The following FAM184A variants were observed in gnomAD, a reference collection of about 807,000 sequenced individuals.
FAM184A encodes family with sequence similarity 184 member A, also known as protein FAM184A.
A neutral mutation model predicts 143.8 loss-of-function variants in FAM184A; 99 were observed. That is an observed-to-expected ratio of 0.69 (90% CI 0.58 to 0.81). The LOEUF (loss-of-function observed/expected upper bound fraction) is 0.81. Among genes scored for constraint, FAM184A ranks in the 40% least tolerant of loss-of-function variants. The pLI is 0.00. For missense variants in FAM184A, 1,217 were observed against 1,310.5 expected (o/e 0.93, Z 1.10); for synonymous variants, 427 against 446.4 (o/e 0.96, Z 0.55).
rs568325635 is a variant in FAM184A, at chr6:119,115,470, T to C, written c.-202+33608A>G. On this transcript the variant is annotated intron_variant, in intron 1 of 16. Coordinates refer to the FAM184A transcript ENST00000352896. ...ACTTTGGGAGGCCAAGGCAGGAGGATAGCTTGAGACCAGGAGCTCGAGACC... is the reference window on the plus strand; with the variant it reads ...ACTTTGGGAGGCCAAGGCAGGAGGACAGCTTGAGACCAGGAGCTCGAGACC... Among the ~76,000 whole-genome samples, 39 of 152,298 alleles carry C rather than the reference T, an allele frequency of 2.6e-4. 1 individual carries two copies. In the South Asian group the frequency reaches 7.3e-3, roughly 28 times the overall value.
chr6:119,044,105 G>A (rs780087223), intron 1 of FAM184A, among the ~76,000 whole-genome samples: 3 of 152,096 alleles, frequency 2.0e-5, no homozygotes, highest in Non-Finnish European at 4.4e-5. Flanking sequence ...ACAAGCCTTA[G>A]ACTGATTAAG....
chr6:119,051,991 T>C (rs573767527), intron 1 of FAM184A, among the ~76,000 whole-genome samples: 1 of 152,176 alleles, frequency 6.6e-6, no homozygotes, highest in Non-Finnish European at 1.5e-5. Flanking sequence ...GCAGTATCTA[T>C]GTATGAGACT....
At chr6:119,004,118 G>A (rs1024648534) in intron 7 of FAM184A, among the ~76,000 whole-genome samples, 8 of 152,188 alleles carry the variant, frequency 5.3e-5, no homozygotes, top group Admixed American at 2.0e-4. Flanking sequence ...CTAGTGGTCC[G>A]TGTGTTCATT....
intron 1 of FAM184A, among the ~76,000 whole-genome samples, chr6:119,070,453 C>G (rs1401429784): frequency 6.6e-6 from 1 of 152,036 alleles, no homozygotes; most frequent in African/African-American, 2.4e-5. Context: ...TGATTGGCAG[C>G]CAAAGAATAT....
intron 14 of FAM184A, 51 bp from the exon 15 acceptor site, chr6:118,967,003 C>A: frequency 1.2e-6 from 1 of 826,398 alleles, no homozygotes; most frequent in Non-Finnish European, 1.9e-6. Flanking sequence ...ATACATTCTT[C>A]TGTAATACCT....
intron 1 of FAM184A, among the ~76,000 whole-genome samples, chr6:119,061,543 T>C (rs1483209222): frequency 1.3e-4 from 17 of 132,940 alleles, no homozygotes; most frequent in African/African-American, 4.0e-4. Context: ...TTTTTTTTTT[T>C]TTTTTTTTTT....
At chr6:119,081,360 C>T (rs1477302325), upstream of FAM184A, among the ~76,000 whole-genome samples, 1 of 152,148 alleles carries the variant, frequency 6.6e-6, no homozygotes, top group Admixed American at 6.5e-5. Context: ...GAGTGTGACT[C>T]ACTTCTTTAG....
At chr6:118,979,276 A>C (rs753848804) in intron 11 of FAM184A, 89 bp downstream of exon 11, 59 of 1,319,180 alleles carry the variant, frequency 4.5e-5, no homozygotes, top group Non-Finnish European at 5.8e-5. Flanking sequence ...TCAAAATTTT[A>C]AAATAAAACT....
intron 1 of FAM184A, among the ~76,000 whole-genome samples, chr6:119,035,099 A>C (rs1480585658): frequency 1.3e-5 from 2 of 152,078 alleles, no homozygotes; most frequent in African/African-American, 4.8e-5. Context: ...TTTTTTTAAA[A>C]GGCTGTGAGA....
chr6:119,116,036 G>T (rs1366377602), intron 1 of FAM184A, among the ~76,000 whole-genome samples: 1 of 150,172 alleles, frequency 6.7e-6, no homozygotes, highest in Non-Finnish European at 1.5e-5. Flanking sequence ...GAGAGAGAGA[G>T]CAGGGACTAG....
At position 118,961,767 on chromosome 6, in the gene FAM184A, A is replaced by T. The variant is rs186112489; in HGVS notation, c.3335T>A (p.Phe1112Tyr). 3.1e-6 allele frequency: 5 copies of T among 1,613,474 alleles called. No individual in the cohort carries two copies. The East Asian group carries it at 1.1e-4, about 36-fold the overall frequency. The change falls in exon 17 of 18, where the codon TTT (phenylalanine) becomes TAT (tyrosine). Residue 1112 changes from phenylalanine (F) to tyrosine (Y), a missense_variant. Transcript: ENST00000338891. ...TTGGTGAGACGGGTCTCACCTCAAAAATGTCTTGGGCCCTTTAGGTGGCAC... is the reference window on the plus strand; with the variant it reads ...TTGGTGAGACGGGTCTCACCTCAAATATGTCTTGGGCCCTTTAGGTGGCAC... ...QPVPPKGPKT[F>Y]LSPAQSEASP... is the part of the protein sequence containing the mutation.
chr6:119,019,591 A>G (rs1470534945), intron 4 of FAM184A, among the ~76,000 whole-genome samples: 3 of 152,234 alleles, frequency 2.0e-5, no homozygotes, highest in Non-Finnish European at 1.5e-5. Flanking sequence ...ATACATTTTC[A>G]GAGCTTGAAG....
intron 1 of FAM184A, among the ~76,000 whole-genome samples, chr6:119,104,376 G>T (rs191488523): frequency 1.3e-4 from 20 of 152,300 alleles, no homozygotes; most frequent in Non-Finnish European, 2.8e-4. Context: ...GAAAGTATTG[G>T]CTTTTAGAAT....
intron 1 of FAM184A, among the ~76,000 whole-genome samples, chr6:119,122,753 C>A (rs1248390446): frequency 2.0e-5 from 3 of 151,250 alleles, no homozygotes; most frequent in Non-Finnish European, 4.4e-5. Flanking sequence ...AAAACCCTGG[C>A]TCTACAAAAA....
At chr6:119,139,020 G>A (rs1185605236) in intron 1 of FAM184A, among the ~76,000 whole-genome samples, 5 of 152,156 alleles carry the variant, frequency 3.3e-5, no homozygotes, top group Non-Finnish European at 7.3e-5. Flanking sequence ...AATCTCATCT[G>A]CAGAGGCCCC....
chr6:118,963,099 G>A (rs1335332381), intron 16 of FAM184A: 2 of 151,966 alleles, frequency 1.3e-5, no homozygotes. Context: ...AGAACTATTT[G>A]TGAAAACTAA....
intron 10 of FAM184A, 147 bp downstream of exon 10, chr6:118,979,991 T>G: frequency 1.6e-6 from 1 of 633,030 alleles, no homozygotes; most frequent in Non-Finnish European, 2.8e-6. Flanking sequence ...GAGACTGCAG[T>G]GAGCCATGAT....
chr6:119,008,230 T>C (rs1784984468), intron 6 of FAM184A, among the ~76,000 whole-genome samples: 2 of 152,198 alleles, frequency 1.3e-5, no homozygotes, highest in African/African-American at 4.8e-5. Flanking sequence ...TCGGTCCATG[T>C]GGTCTTAGTA....
chr6:119,039,902 GC>G (rs1268642429), intron 1 of FAM184A, among the ~76,000 whole-genome samples: 3 of 152,178 alleles, frequency 2.0e-5, no homozygotes, highest in Admixed American at 6.5e-5. Context: ...TTCTGGGTAC[GC>G]TACACTGGAA....
Sources: gnomAD v4.1 joint callset for allele counts (sites outside exome capture counted in the v4.1 genomes callset) on GRCh38, gnomAD v4.1.1 for gene constraint, MANE v1.5 for transcripts, NCBI Gene and HGNC (gene_info 2026-07-23, HGNC 2026-07-21) for gene names.